The following UBE2E2 variants were observed in gnomAD, a reference collection of about 807,000 sequenced individuals.
UBE2E2 encodes the protein ubiquitin conjugating enzyme E2 E2.
In UBE2E2, 6 loss-of-function variants were observed where a neutral mutation model predicts 24.7. That is an observed-to-expected ratio of 0.24 (90% CI 0.13 to 0.48). The LOEUF (loss-of-function observed/expected upper bound fraction) is 0.48, where lower values mean the gene tolerates loss of function less well. Among genes scored for constraint, UBE2E2 ranks in the 20% least tolerant of loss-of-function variants. UBE2E2 has a pLI of 0.99. For missense variants in UBE2E2, 169 were observed against 245.0 expected, an observed-to-expected ratio of 0.69 and a Z score of 2.07; for synonymous variants, 104 against 83.6, an observed-to-expected ratio of 1.24 and a Z score of -1.33.
chr3:23,503,254 A>C (rs996492592), intron 4 of UBE2E2, among the ~76,000 whole-genome samples: 42 of 151,682 alleles, frequency 2.8e-4, no homozygotes, highest in Admixed American at 2.7e-3. Flanking sequence ...AAGTGGCACA[A>C]TCTCGGCTTA....
At chr3:23,519,663 A>G (rs903813723) in intron 4 of UBE2E2, among the ~76,000 whole-genome samples, 3 of 152,044 alleles carry the variant, frequency 2.0e-5, no homozygotes, top group East Asian at 1.9e-4. Flanking sequence ...GTGAATATAT[A>G]TATGTGTGAG....
At chr3:23,207,876 T>G (rs1186303751) in intron 1 of UBE2E2, among the ~76,000 whole-genome samples, 2 of 152,172 alleles carry the variant, frequency 1.3e-5, no homozygotes, top group Non-Finnish European at 2.9e-5. Flanking sequence ...TGTACAACTC[T>G]GTAGTTCTTA....
chr3:23,279,377 G>A (rs1415838634), intron 3 of UBE2E2, among the ~76,000 whole-genome samples: 1 of 152,194 alleles, frequency 6.6e-6, no homozygotes, highest in African/African-American at 2.4e-5. Context: ...TGGCTGAAGG[G>A]AGGGAAATAG....
At chr3:23,412,666 A>G (rs551700660) in intron 3 of UBE2E2, among the ~76,000 whole-genome samples, 1 of 152,100 alleles carries the variant, frequency 6.6e-6, no homozygotes, top group Non-Finnish European at 1.5e-5. Context: ...TTCAGAAACA[A>G]CTCTTCTTTC....
At chr3:23,393,043 A>G (rs778486) in intron 3 of UBE2E2, among the ~76,000 whole-genome samples, 101,430 of 152,054 alleles carry the variant, frequency 0.67, 35,362 homozygotes, top group African/African-American at 0.88. Flanking sequence ...GAAGATTATC[A>G]TAAAAGCAAG....
rs532871190 is a variant in UBE2E2, at chr3:23,476,610, G to A, written c.228-22998G>A. 9.2e-5 allele frequency among the ~76,000 whole-genome samples: 14 copies of A among 152,156 alleles called. 1 individual carries two copies. In the East Asian group the frequency reaches 2.7e-3, roughly 29 times the overall value. Reference sequence around the variant, plus strand: ...TTCAAGAGGCTGAGGTGGGATGATTGAGCCCAGATCAAGGCTGCAGTGAGC... The same window carrying A: ...TTCAAGAGGCTGAGGTGGGATGATTAAGCCCAGATCAAGGCTGCAGTGAGC... On this transcript the variant is annotated intron_variant, in intron 3 of 5. Transcript: ENST00000396703.
chr3:23,403,192 A>G lies in UBE2E2; in HGVS notation c.228-96416A>G, dbSNP rs1334829595. On this transcript the variant is annotated intron_variant, in intron 3 of 5. Coordinates refer to ENST00000396703, the MANE Select transcript of UBE2E2 (RefSeq NM_152653.4). ...TTATTTTTGCACAGTTACCACTAGT[A>G]CTTTGCAATACTTGATCTAAGCATT... 3.3e-5 allele frequency among the ~76,000 whole-genome samples: 5 copies of G among 152,268 alleles called. No individual in the cohort carries two copies. The East Asian group carries it at 9.6e-4, about 29-fold the overall frequency.
intron 3 of UBE2E2, among the ~76,000 whole-genome samples, chr3:23,262,481 A>G (rs894940441): frequency 6.6e-6 from 1 of 151,966 alleles, no homozygotes; most frequent in Non-Finnish European, 1.5e-5. Flanking sequence ...CGGTCTCATT[A>G]TGTTGCCTAG....
chr3:23,585,296 C>A (rs1305130560), intron 5 of UBE2E2, among the ~76,000 whole-genome samples: 1 of 148,274 alleles, frequency 6.7e-6, no homozygotes, highest in Admixed American at 6.9e-5. Flanking sequence ...TGCTTGAGCC[C>A]AGGGGTCAAG....
At chr3:23,512,226 T>A (rs1461213796) in intron 4 of UBE2E2, among the ~76,000 whole-genome samples, 1 of 150,120 alleles carries the variant, frequency 6.7e-6, no homozygotes, top group African/African-American at 2.4e-5. Context: ...TATTTTATTA[T>A]TTTTGTTTTT....
chr3:23,304,887 C>G (rs975134862), intron 3 of UBE2E2, among the ~76,000 whole-genome samples: 1 of 150,472 alleles, frequency 6.6e-6, no homozygotes, highest in Non-Finnish European at 1.5e-5. Flanking sequence ...ATTTTTTTTT[C>G]CTTGCACTTT....
chr3:23,390,200 G>A (rs767791590), intron 3 of UBE2E2, among the ~76,000 whole-genome samples: 13 of 152,162 alleles, frequency 8.5e-5, no homozygotes, highest in Non-Finnish European at 2.9e-5. Flanking sequence ...TGGAAACCGA[G>A]GCCCTGAATG....
At chr3:23,213,068 A>C (rs1165765437) in intron 2 of UBE2E2, among the ~76,000 whole-genome samples, 4 of 152,128 alleles carry the variant, frequency 2.6e-5, no homozygotes, top group Non-Finnish European at 5.9e-5. Flanking sequence ...TTTTAGGTTG[A>C]CTGAGGAATG....
intron 5 of UBE2E2, among the ~76,000 whole-genome samples, chr3:23,557,572 G>T (rs920712502): frequency 6.6e-6 from 1 of 152,160 alleles, no homozygotes; most frequent in Non-Finnish European, 1.5e-5. Context: ...AGAAACTGGA[G>T]TACCCAGAGA....
At chr3:23,359,759 G>T (rs530766481) in intron 3 of UBE2E2, among the ~76,000 whole-genome samples, 6 of 152,138 alleles carry the variant, frequency 3.9e-5, no homozygotes, top group Non-Finnish European at 8.8e-5. Context: ...AATTATACTT[G>T]CACCTTGAGG....
chr3:23,550,694 CAG>C, intron 5 of UBE2E2, among the ~76,000 whole-genome samples: 1 of 152,232 alleles, frequency 6.6e-6, no homozygotes, highest in South Asian at 2.1e-4. Context: ...AGAGGAGAAA[CAG>C]ATGAAGTAAG....
intron 3 of UBE2E2, among the ~76,000 whole-genome samples, chr3:23,458,426 G>GGTTGTT (rs548190773): frequency 6.8e-6 from 1 of 147,986 alleles, no homozygotes; most frequent in African/African-American, 2.6e-5. Flanking sequence ...TGGTGGTGGT[G>GGTTGTT]GTTGTTGTTG....
intron 5 of UBE2E2, among the ~76,000 whole-genome samples, chr3:23,540,238 A>G (rs1695359402): frequency 6.6e-6 from 1 of 152,108 alleles, no homozygotes; most frequent in Non-Finnish European, 1.5e-5. Context: ...ATTAATTTTC[A>G]TGAAAACCAT....
chr3:23,225,238 G>C (rs1291187569), intron 3 of UBE2E2, among the ~76,000 whole-genome samples: 2 of 120,312 alleles, frequency 1.7e-5, no homozygotes, highest in African/African-American at 5.3e-5. Context: ...CCTCCATTCT[G>C]TGGATTTTTT....
Sources: gnomAD v4.1 joint callset for allele counts (sites outside exome capture counted in the v4.1 genomes callset) on GRCh38, gnomAD v4.1.1 for gene constraint, MANE v1.5 for transcripts, NCBI Gene and HGNC (gene_info 2026-07-23, HGNC 2026-07-21) for gene names.